The following ERC2 variants were observed in gnomAD, a reference collection of about 807,000 sequenced individuals.
ERC2 encodes the protein ERC protein 2.
ERC2 carries 42 observed loss-of-function variants against 114.8 expected under a neutral mutation model. That is an observed-to-expected ratio of 0.37 (90% confidence interval 0.29 to 0.47). The LOEUF is 0.47. Ranked by LOEUF, ERC2 falls within the 20% of genes least tolerant of loss-of-function variation. The probability of loss-of-function intolerance (pLI) is 0.99; values close to 1 mark genes in which losing one functional copy is unlikely to be tolerated. For missense variants in ERC2, 939 were observed against 1,150.7 expected (o/e 0.82, Z 2.66); for synonymous variants, 454 against 425.5 (o/e 1.07, Z -0.82).
At chr3:56,164,490 A>T (rs559489195) in intron 4 of ERC2, among the ~76,000 whole-genome samples, 2 of 152,096 alleles carry the variant, frequency 1.3e-5, no homozygotes, top group African/African-American at 4.8e-5. Flanking sequence ...GTTTCTTCAT[A>T]TATCAGATGA....
intron 10 of ERC2, among the ~76,000 whole-genome samples, chr3:55,996,790 CTTATAG>C (rs1026586367): frequency 2.0e-5 from 3 of 152,154 alleles, no homozygotes; most frequent in African/African-American, 4.8e-5. Context: ...AGTATATTAA[CTTATAG>C]TTATAATAAC....
chr3:56,138,869 CA>C (rs1575560984), intron 6 of ERC2, among the ~76,000 whole-genome samples: 5 of 152,178 alleles, frequency 3.3e-5, no homozygotes, highest in African/African-American at 1.2e-4. Context: ...AGGATAGTAA[CA>C]TATTTTTGTT....
intron 17 of ERC2, among the ~76,000 whole-genome samples, chr3:55,669,679 G>C (rs1253547840): frequency 1.3e-5 from 2 of 152,202 alleles, no homozygotes; most frequent in Non-Finnish European, 2.9e-5. Context: ...GAGGGCTTTT[G>C]AACTTGCAGG....
At chr3:56,253,120 C>T (rs1385686512) in intron 3 of ERC2, among the ~76,000 whole-genome samples, 1 of 152,184 alleles carries the variant, frequency 6.6e-6, no homozygotes, top group Non-Finnish European at 1.5e-5. Flanking sequence ...ACTGCTGTAC[C>T]TTACCAGCTG....
At chr3:56,003,075 C>A (rs562530576) in intron 10 of ERC2, 19 of 1,287,394 alleles carry the variant, frequency 1.5e-5, no homozygotes, top group African/African-American at 3.0e-5. Context: ...TATGTTACAG[C>A]GGGAACTTTC....
chr3:56,000,332 G>A (rs11707475), intron 10 of ERC2, among the ~76,000 whole-genome samples: 2,043 of 152,044 alleles, frequency 0.013, 11 homozygotes, highest in African/African-American at 0.029. Context: ...CTAAAGAAAA[G>A]TACAGGTCAA....
Position 55,712,189 on chromosome 3 carries a change from G to A in ERC2, c.2713-12677C>T, listed in dbSNP as rs1039848676. 2.6e-5 allele frequency among the ~76,000 whole-genome samples: 4 copies of A among 152,264 alleles called. No homozygotes were observed. In the South Asian group the frequency reaches 8.3e-4, roughly 32 times the overall value. On this transcript the variant is annotated intron_variant, in intron 15 of 17. Coordinates refer to ENST00000288221, the MANE Select transcript of ERC2 (RefSeq NM_015576.3). Reference sequence around the variant, plus strand: ...TGGGAACTATCTTCTTATTTGTTGTGAGAATAATTGTATATCTAAAGAAAA... The same window carrying A: ...TGGGAACTATCTTCTTATTTGTTGTAAGAATAATTGTATATCTAAAGAAAA...
At chr3:55,602,665 C>G (rs779901953) in intron 17 of ERC2, among the ~76,000 whole-genome samples, 7 of 152,096 alleles carry the variant, frequency 4.6e-5, no homozygotes, top group Non-Finnish European at 8.8e-5. Flanking sequence ...ATGATGCCAG[C>G]TCCCCGGGGA....
intron 14 of ERC2, among the ~76,000 whole-genome samples, chr3:55,886,539 A>T (rs1438671486): frequency 2.0e-5 from 3 of 152,352 alleles, no homozygotes; most frequent in Non-Finnish European, 2.9e-5. Flanking sequence ...AAAAATACAT[A>T]ACTTTAGATT....
At chr3:56,083,339 A>C (rs1279932560) in intron 6 of ERC2, among the ~76,000 whole-genome samples, 1 of 152,190 alleles carries the variant, frequency 6.6e-6, no homozygotes, top group Non-Finnish European at 1.5e-5. Flanking sequence ...AAATTCTAAA[A>C]GAGGTGAAAA....
intron 2 of ERC2, among the ~76,000 whole-genome samples, chr3:56,420,705 GA>G (rs1359340708): frequency 6.7e-6 from 1 of 149,398 alleles, no homozygotes; most frequent in Non-Finnish European, 1.5e-5. Flanking sequence ...CTAACACGGT[GA>G]AACCCCGTCT....
At chr3:55,568,991 G>T (rs1047455161) in intron 17 of ERC2, among the ~76,000 whole-genome samples, 5 of 152,122 alleles carry the variant, frequency 3.3e-5, no homozygotes, top group Admixed American at 6.5e-5. Context: ...CCCGCCCCTA[G>T]ATATCACCAA....
intron 17 of ERC2, among the ~76,000 whole-genome samples, chr3:55,639,387 A>C (rs6769942): frequency 0.038 from 5,802 of 152,232 alleles, 399 homozygotes; most frequent in African/African-American, 0.13. Context: ...GAGGCCAGCG[A>C]AGACAATGTA....
At chr3:55,619,925 T>C (rs1372126163) in intron 17 of ERC2, among the ~76,000 whole-genome samples, 2 of 152,170 alleles carry the variant, frequency 1.3e-5, no homozygotes. Context: ...ACAACTGGCC[T>C]CTCTAGGGGT....
At chr3:56,160,200 G>A (rs1438268155) in intron 4 of ERC2, among the ~76,000 whole-genome samples, 1 of 152,148 alleles carries the variant, frequency 6.6e-6, no homozygotes, top group African/African-American at 2.4e-5. Flanking sequence ...CCTGATTGGT[G>A]TAAGATGGCT....
chr3:55,616,005 A>T (rs2059109892), intron 17 of ERC2, among the ~76,000 whole-genome samples: 1 of 152,156 alleles, frequency 6.6e-6, no homozygotes, highest in Non-Finnish European at 1.5e-5. Context: ...TCTGGTCTTT[A>T]ATATCATATA....
intron 6 of ERC2, among the ~76,000 whole-genome samples, chr3:56,138,519 C>A (rs2080657067): frequency 6.6e-6 from 1 of 152,182 alleles, no homozygotes; most frequent in African/African-American, 2.4e-5. Flanking sequence ...AAAGTATTTT[C>A]TTCCGCCTCT....
chr3:55,701,541 G>A (rs185853397), intron 15 of ERC2, among the ~76,000 whole-genome samples: 213 of 151,974 alleles, frequency 1.4e-3, no homozygotes, highest in South Asian at 3.3e-3. Flanking sequence ...GCCCCAAAGT[G>A]AATGTTAAAA....
intron 7 of ERC2, among the ~76,000 whole-genome samples, chr3:56,032,947 G>C (rs1378030525): frequency 4.7e-5 from 3 of 63,204 alleles, no homozygotes; most frequent in South Asian, 1.2e-3. Context: ...AAGAAAGAAA[G>C]AAAGAAAGAA....
Sources: gnomAD v4.1 joint callset for allele counts (sites outside exome capture counted in the v4.1 genomes callset) on GRCh38, gnomAD v4.1.1 for gene constraint, MANE v1.5 for transcripts, NCBI Gene and HGNC (gene_info 2026-07-23, HGNC 2026-07-21) for gene names.